BANK1: variants seen among roughly 807,000 people sequenced by gnomAD.
BANK1 encodes B-cell scaffold protein with ankyrin repeats.
A neutral mutation model predicts 94.5 loss-of-function variants in BANK1; 95 were observed. That is an observed-to-expected ratio of 1.00 (90% CI 0.85 to 1.19). The LOEUF is 1.19. BANK1 is among the 50% of genes most tolerant of loss of function. The pLI is 0.00. For missense variants in BANK1, 987 were observed against 932.2 expected (o/e 1.06, Z -0.77); for synonymous variants, 334 against 308.4 (o/e 1.08, Z -0.87).
chr4:101,887,649 A>G (rs1728903943), intron 5 of BANK1, among the ~76,000 whole-genome samples: 1 of 152,206 alleles, frequency 6.6e-6, no homozygotes, highest in South Asian at 2.1e-4. Context: ...TTGAATCTCA[A>G]AACATATTTT....
At chr4:101,951,348 T>A (rs2148914703) in intron 7 of BANK1, among the ~76,000 whole-genome samples, 1 of 152,250 alleles carries the variant, frequency 6.6e-6, no homozygotes, top group South Asian at 2.1e-4. Context: ...TGTCTTTTTA[T>A]AAAAATATGT....
chr4:101,811,608 GT>G (rs34654564), intron 1 of BANK1, among the ~76,000 whole-genome samples: 10,375 of 152,050 alleles, frequency 0.068, 594 homozygotes, highest in Admixed American at 0.19. Context: ...TCTCAATATT[GT>G]GTACCCATTC....
intron 2 of BANK1, among the ~76,000 whole-genome samples, chr4:101,839,940 T>TATTTA (rs1560595848): frequency 2.6e-4 from 3 of 11,704 alleles, no homozygotes; most frequent in African/African-American, 6.3e-4. Context: ...ATATTTAATT[T>TATTTA]TTTTTTTTTT....
chr4:101,873,960 C>T (rs569677162), intron 5 of BANK1, among the ~76,000 whole-genome samples: 4 of 152,150 alleles, frequency 2.6e-5, no homozygotes, highest in African/African-American at 7.2e-5. Context: ...GAAATAACAT[C>T]GAAAGGCTAA....
intron 7 of BANK1, among the ~76,000 whole-genome samples, chr4:101,968,137 A>C (rs1239985592): frequency 1.3e-5 from 2 of 152,036 alleles, no homozygotes. Flanking sequence ...GAGGCTACAG[A>C]GGGGAGAGGG....
At chr4:101,843,701 G>T (rs1487118126) in intron 2 of BANK1, among the ~76,000 whole-genome samples, 1 of 152,080 alleles carries the variant, frequency 6.6e-6, no homozygotes, top group African/African-American at 2.4e-5. Context: ...TGGATCACGA[G>T]GTCAGGAGTT....
At chr4:101,917,851 T>G (rs6812874) in intron 6 of BANK1, 142 bp from the exon 7 acceptor site, 442,646 of 481,704 alleles carry the variant, frequency 0.92, 204,303 homozygotes, top group Non-Finnish European at 0.94. Context: ...ATTCTAAATT[T>G]CTAGAACTAT....
At chr4:102,051,822 C>G (rs1728057113) in intron 11 of BANK1, among the ~76,000 whole-genome samples, 1 of 152,058 alleles carries the variant, frequency 6.6e-6, no homozygotes, top group Non-Finnish European at 1.5e-5. Context: ...CTTGGCTGGT[C>G]CTGGGACTCT....
At chr4:101,973,808 C>T (rs1472435471) in intron 7 of BANK1, among the ~76,000 whole-genome samples, 1 of 152,012 alleles carries the variant, frequency 6.6e-6, no homozygotes. Context: ...TCTACATAGT[C>T]TATGAAATAG....
chr4:101,907,663 C>T (rs1000718875), intron 6 of BANK1, among the ~76,000 whole-genome samples: 5 of 152,204 alleles, frequency 3.3e-5, no homozygotes, highest in African/African-American at 1.2e-4. Context: ...ACCCCATCAT[C>T]TCAGCCCCAA....
At chr4:102,045,150 T>C (rs1481986609) in intron 11 of BANK1, among the ~76,000 whole-genome samples, 1 of 152,110 alleles carries the variant, frequency 6.6e-6, no homozygotes, top group Non-Finnish European at 1.5e-5. Context: ...TCTTCTAGGG[T>C]TTTTATGGTT....
chr4:101,852,470 CTATATATATATATATATATATA>C (rs541955636), intron 2 of BANK1, among the ~76,000 whole-genome samples: 1 of 103,794 alleles, frequency 9.6e-6, no homozygotes, highest in African/African-American at 4.2e-5. Flanking sequence ...TATTTTTCGG[CTATATATATATATATATATATA>C]TATATATATA....
At chr4:102,072,586 CAAAG>C (rs1308028683) in intron 15 of BANK1, among the ~76,000 whole-genome samples, 186 bp downstream of exon 15, 1 of 151,712 alleles carries the variant, frequency 6.6e-6, no homozygotes, top group Non-Finnish European at 1.5e-5. Context: ...GGAAAAAAAA[CAAAG>C]AGGGAACTCA....
At chr4:101,850,768 T>C (rs1282280010) in intron 2 of BANK1, among the ~76,000 whole-genome samples, 3 of 152,186 alleles carry the variant, frequency 2.0e-5, no homozygotes, top group Non-Finnish European at 4.4e-5. Context: ...ATTATGTCTG[T>C]TGTGGTGATC....
intron 7 of BANK1, among the ~76,000 whole-genome samples, chr4:101,984,943 G>A (rs1725434460): frequency 6.6e-6 from 1 of 152,036 alleles, no homozygotes; most frequent in Non-Finnish European, 1.5e-5. Context: ...AGTGGAGCAG[G>A]ATATTTAACC....
chr4:101,804,605 A>G (rs571145209), intron 1 of BANK1, among the ~76,000 whole-genome samples: 154 of 152,274 alleles, frequency 1.0e-3, no homozygotes, highest in Non-Finnish European at 1.9e-3. Flanking sequence ...GTTGCCCACC[A>G]TTTCAAATGG....
At chr4:101,815,737 A>G (rs1725890402) in intron 1 of BANK1, among the ~76,000 whole-genome samples, 1 of 152,086 alleles carries the variant, frequency 6.6e-6, no homozygotes, top group African/African-American at 2.4e-5. Context: ...AGCTCTAGAC[A>G]TGTTTTTTTA....
chr4:101,869,950 G>C (rs1431163673), intron 4 of BANK1, among the ~76,000 whole-genome samples: 1 of 151,908 alleles, frequency 6.6e-6, no homozygotes, highest in East Asian at 1.9e-4. Context: ...TTCTCAAAAA[G>C]GCTTTGGATG....
In BANK1 at chr4:101,983,045, C is replaced by T. The variant is rs752236713; in HGVS notation, c.1207-38469C>T. Among the ~76,000 whole-genome samples the T allele has an allele frequency of 5.4e-4, 82 of 151,966 alleles. No individual in the cohort carries two copies. In the Middle Eastern group the frequency reaches 0.017, roughly 32 times the overall value. On this transcript the variant is annotated intron_variant, in intron 7 of 16. Coordinates refer to ENST00000322953, the MANE Select transcript of BANK1 (RefSeq NM_017935.5). ...ATTTTTATGCTATCATTTCCCAAGG[C>T]GCAGTATAACTATCCCCTAACAAAT...
Sources: gnomAD v4.1 joint callset for allele counts (sites outside exome capture counted in the v4.1 genomes callset) on GRCh38, gnomAD v4.1.1 for gene constraint, MANE v1.5 for transcripts, NCBI Gene and HGNC (gene_info 2026-07-23, HGNC 2026-07-21) for gene names.